The following CKAP5 variants were observed in gnomAD, a reference collection of about 807,000 sequenced individuals.
CKAP5 encodes the protein cytoskeleton associated protein 5, also known as cytoskeleton-associated protein 5.
CKAP5 carries 27 observed loss-of-function variants against 232.8 expected under a neutral mutation model. That is an observed-to-expected ratio of 0.12 (90% CI 0.09 to 0.16). The LOEUF (loss-of-function observed/expected upper bound fraction) is 0.16. Ranked by LOEUF, CKAP5 falls within the 10% of genes least tolerant of loss-of-function variation. The pLI is 1.00. For synonymous variants in CKAP5, 785 were observed against 841.1 expected, an observed-to-expected ratio of 0.93 and a Z score of 1.16; for missense variants, 1,838 against 2,424.7, an observed-to-expected ratio of 0.76 and a Z score of 5.08.
intron 42 of CKAP5, 31 bp from the exon 43 acceptor site, chr11:46,744,608 G>T (rs2065009149): frequency 6.2e-7 from 1 of 1,601,212 alleles, no homozygotes. Context: ...AGAATATTCA[G>T]ATATCCACAT....
intron 2 of CKAP5, among the ~76,000 whole-genome samples, chr11:46,819,327 C>T (rs1414267125): frequency 6.6e-6 from 1 of 152,018 alleles, no homozygotes; most frequent in Non-Finnish European, 1.5e-5. Flanking sequence ...ATTTCCCACT[C>T]CTATAAAGAA....
intron 3 of CKAP5, 105 bp from the exon 4 acceptor site, chr11:46,816,509 G>C: frequency 1.3e-6 from 1 of 758,174 alleles, no homozygotes; most frequent in Non-Finnish European, 2.2e-6. Context: ...TAGAAATACA[G>C]TAAATGAGTC....
At chr11:46,760,438 A>G (rs1458259668) in intron 33 of CKAP5, 174 bp downstream of exon 33, 2 of 722,410 alleles carry the variant, frequency 2.8e-6, no homozygotes, top group Non-Finnish European at 4.8e-6. Flanking sequence ...TGAGACAAAG[A>G]CAAAGACAAT....
intron 1 of CKAP5, among the ~76,000 whole-genome samples, chr11:46,844,994 C>A (rs181236873): frequency 2.0e-5 from 3 of 152,308 alleles, no homozygotes; most frequent in South Asian, 2.1e-4. Context: ...AGTTTACCAA[C>A]TAGATTTAAC....
chr11:46,819,767 A>G (rs1165628845), intron 2 of CKAP5, among the ~76,000 whole-genome samples: 1 of 152,186 alleles, frequency 6.6e-6, no homozygotes, highest in African/African-American at 2.4e-5. Flanking sequence ...CTAACCCACT[A>G]TAAGATGCAT....
At chr11:46,844,595 C>T (rs1012160121) in intron 1 of CKAP5, among the ~76,000 whole-genome samples, 3 of 152,190 alleles carry the variant, frequency 2.0e-5, no homozygotes, top group Non-Finnish European at 4.4e-5. Context: ...TTAATTGTTA[C>T]GGAATACCTT....
In CKAP5 at chr11:46,785,895, T is replaced by C. The variant is rs866265874; in HGVS notation, c.1969-1222A>G. ...AGGAGGCTGAAGCTGCAGAGAGACA[T>C]GTTGACACCACTGCACTATCTAGCC... is the stretch of plus-strand genomic sequence containing the variant. On this transcript the variant is annotated intron_variant, in intron 16 of 43. Coordinates refer to ENST00000529230, the MANE Select transcript of CKAP5 (RefSeq NM_001008938.4). 3.3e-5 allele frequency among the ~76,000 whole-genome samples: 5 copies of C among 152,154 alleles called. No individual in the cohort carries two copies. In the South Asian group the frequency reaches 8.3e-4, roughly 25 times the overall value.
At chr11:46,826,597 CAGA>C (rs1349912270) in intron 1 of CKAP5, among the ~76,000 whole-genome samples, 7 of 152,308 alleles carry the variant, frequency 4.6e-5, no homozygotes, top group South Asian at 2.1e-4. Context: ...TGTCACCACC[CAGA>C]AGTAGAGCAG....
rs1249556574 is a variant in CKAP5, at chr11:46,753,486, T to C, written c.4881A>G (p.Ile1627Met). Residue 1627 changes from isoleucine (I) to methionine (M), a missense_variant, in exon 37 of 44, where the codon ATA becomes ATG. Physicochemically the swap from Ile to Met is conservative, Grantham distance 10. This residue lies in a region of CKAP5 where 579 missense variants were observed against 843.2 expected (regional missense o/e 0.69). Transcript: ENST00000529230. ...TGGAGGCCTCCCGGGCAAGGCTCTC[T>C]ATCTGAAACAGCTATCCAGACATAC... ...IIGNMISLFQ[I>M]ESLAREASTG... The C allele has an allele frequency of 6.2e-7, 1 of 1,610,382 alleles. No homozygotes were observed. Among genetic ancestry groups the C allele is most frequent in the South Asian group, 1.1e-5 (1 of 90,754 alleles).
chr11:46,763,355 G>A (rs1054511499), intron 29 of CKAP5, 126 bp downstream of exon 29: 31 of 1,003,880 alleles, frequency 3.1e-5, no homozygotes, highest in Non-Finnish European at 4.2e-5. Context: ...CAAATAACAA[G>A]ACAGCTCTAA....
At chr11:46,789,972 C>A in intron 15 of CKAP5, 104 bp downstream of exon 15, 3 of 693,544 alleles carry the variant, frequency 4.3e-6, no homozygotes, top group Admixed American at 2.4e-5. Context: ...AACGTGTTCA[C>A]CGGTTATAAA....
rs369242496 is a variant in CKAP5, at chr11:46,788,720, C to A, written c.1929G>T (p.Met643Ile). Reference protein sequence around the residue: ...TEMPCQALVRMLAKKPGWKET... With the variant: ...TEMPCQALVRILAKKPGWKET... Reference sequence around the variant, plus strand: ...CTTTCCATCCAGGTTTCTTGGCTAGCATCCTCACTAATGCCTGGCATGGCA... The same window carrying A: ...CTTTCCATCCAGGTTTCTTGGCTAGAATCCTCACTAATGCCTGGCATGGCA... The change falls in exon 16 of 44, where the codon ATG (methionine) becomes ATT (isoleucine). Residue 643 changes from methionine (M) to isoleucine (I), a missense_variant. Transcript: ENST00000529230. 6.2e-7 allele frequency: 1 copy of A among 1,608,610 alleles called. No homozygotes were observed.
At chr11:46,754,164 A>AT (rs2065092909) in intron 36 of CKAP5, among the ~76,000 whole-genome samples, 1 of 150,908 alleles carries the variant, frequency 6.6e-6, no homozygotes, top group Non-Finnish European at 1.5e-5. Context: ...GGCCTGGCTA[A>AT]TTTTTTGTAT....
chr11:46,767,027 CCTT>C (rs2065207636), intron 27 of CKAP5, among the ~76,000 whole-genome samples: 2 of 140,486 alleles, frequency 1.4e-5, no homozygotes, highest in East Asian at 3.9e-4. Flanking sequence ...AATGCTTTCT[CCTT>C]TTTTTTTTTT....
chr11:46,801,108 T>C (rs748332196), intron 9 of CKAP5, 92 bp downstream of exon 9: 1 of 805,482 alleles, frequency 1.2e-6, no homozygotes, highest in Non-Finnish European at 2.2e-6. Context: ...TACACATCTA[T>C]GCCAAGGAGT....
chr11:46,788,717 T>C lies in CKAP5; in HGVS notation c.1932A>G (p.Leu644=). ...EMPCQALVRM[L]AKKPGWKETN... ...TTTCTTTCCATCCAGGTTTCTTGGCTAGCATCCTCACTAATGCCTGGCATG... is the reference window on the plus strand; with the variant it reads ...TTTCTTTCCATCCAGGTTTCTTGGCCAGCATCCTCACTAATGCCTGGCATG... The change falls in exon 16 of 44, where the codon CTA becomes CTG. Residue 644 remains leucine (L), a synonymous_variant. Coordinates refer to ENST00000529230, the MANE Select transcript of CKAP5 (RefSeq NM_001008938.4). The C allele has an allele frequency of 6.2e-7, 1 of 1,608,940 alleles. No individual in the cohort carries two copies. The highest frequency in any genetic ancestry group is 8.5e-7 in the Non-Finnish European group (1 of 1,178,036).
intron 16 of CKAP5, 49 bp downstream of exon 16, chr11:46,788,632 A>C: frequency 9.3e-7 from 1 of 1,080,870 alleles, no homozygotes; most frequent in South Asian, 1.3e-5. Flanking sequence ...AGGATGATGT[A>C]ATGTAAATTA....
At chr11:46,790,816 A>T (rs1477313436) in intron 13 of CKAP5, among the ~76,000 whole-genome samples, 2 of 151,784 alleles carry the variant, frequency 1.3e-5, no homozygotes, top group African/African-American at 4.8e-5. Context: ...CTGGCTAATT[A>T]AAAAAAATTT....
rs754993696 is a variant in CKAP5 at position 46,765,216 on chromosome 11, T to C, written c.3452A>G (p.Lys1151Arg). 1 of 1,613,078 alleles carries C rather than the reference T, an allele frequency of 6.2e-7. No individual in the cohort carries two copies. Among genetic ancestry groups the C allele is most frequent in the Non-Finnish European group, 8.5e-7 (1 of 1,179,578 alleles). The change falls in exon 28 of 44, where the codon AAG (lysine) becomes AGG (arginine). Residue 1151 changes from lysine (K) to arginine (R), a missense_variant. Physicochemically the swap from Lys to Arg is conservative, Grantham distance 26 (BLOSUM62 2). Transcript: ENST00000529230. The part of the protein sequence containing the change: ...GKKMPSKTSL[K>R]EDEDKSGPIF... ...AGGCCCGGATTTGTCTTCATCCTCC[T>C]TTAAGCTGGTTTTGCTTGGCATCTT...
Sources: allele counts gnomAD v4.1 joint callset (sites outside exome capture counted in the v4.1 genomes callset), GRCh38; gene constraint gnomAD v4.1.1; regional missense constraint gnomAD v4.1.1; transcripts MANE v1.5; gene names NCBI Gene and HGNC (gene_info 2026-07-23, HGNC 2026-07-21).